TOM1L2: variants seen among roughly 807,000 people sequenced by gnomAD.
TOM1L2 encodes TOM1-like protein 2.
Under a neutral mutation model 67.9 loss-of-function variants are expected in TOM1L2, and 31 were observed. The observed-to-expected ratio is 0.46, with a 90% CI of 0.34 to 0.62. TOM1L2 has a LOEUF of 0.62. TOM1L2 is among the 20% of genes least tolerant of loss of function. TOM1L2 has a pLI of 0.01. For missense variants in TOM1L2, 606 were observed against 663.5 expected, an observed-to-expected ratio of 0.91 and a Z score of 0.95; for synonymous variants, 256 against 254.0, an observed-to-expected ratio of 1.01 and a Z score of -0.07.
At chr17:17,888,776 G>A (rs1261837993) in intron 4 of TOM1L2, among the ~76,000 whole-genome samples, 2 of 152,198 alleles carry the variant, frequency 1.3e-5, no homozygotes, top group Admixed American at 6.5e-5. Flanking sequence ...CTCCATTTCC[G>A]CTCCTGAAAA....
chr17:17,909,603 TG>T (rs2039254842), intron 1 of TOM1L2, among the ~76,000 whole-genome samples: 1 of 71,794 alleles, frequency 1.4e-5, no homozygotes, highest in African/African-American at 5.3e-5. Flanking sequence ...GGTGTGGGGG[TG>T]GGGGAATGGG....
intron 7 of TOM1L2, among the ~76,000 whole-genome samples, chr17:17,877,862 G>A (rs1441655055): frequency 6.6e-6 from 1 of 151,654 alleles, no homozygotes; most frequent in East Asian, 1.9e-4. Flanking sequence ...GTTTGTCTTG[G>A]CTGATGGGCT....
chr17:17,943,935 C>A (rs931987058), intron 1 of TOM1L2, among the ~76,000 whole-genome samples: 6 of 152,222 alleles, frequency 3.9e-5, no homozygotes, highest in African/African-American at 1.4e-4. Flanking sequence ...CATCCCTCCC[C>A]CTCCAGGTAA....
intron 10 of TOM1L2, among the ~76,000 whole-genome samples, chr17:17,866,006 T>C (rs763162352): frequency 6.3e-4 from 96 of 152,114 alleles, no homozygotes; most frequent in Non-Finnish European, 2.5e-4. Flanking sequence ...CCTCCCATAG[T>C]GCTGGGATTA....
In TOM1L2 at chr17:17,915,046, C is replaced by G. The variant is rs117337033; in HGVS notation, c.53-7515G>C. On this transcript the variant is annotated intron_variant, in intron 1 of 14. Transcript: ENST00000379504. Reference sequence around the variant, plus strand: ...TGTGTGAGTTCTATCTAGTTTGTTACGTAAAAAACAAGTGTCACTTCACCA... The same window carrying G: ...TGTGTGAGTTCTATCTAGTTTGTTAGGTAAAAAACAAGTGTCACTTCACCA... Among the ~76,000 whole-genome samples the G allele has an allele frequency of 4.0e-4, 61 of 152,018 alleles. 1 individual carries two copies. The East Asian group carries it at 0.012, about 29-fold the overall frequency.
intron 1 of TOM1L2, among the ~76,000 whole-genome samples, chr17:17,962,212 CAAAGT>C (rs1033189508): frequency 7.1e-6 from 1 of 140,244 alleles, no homozygotes; most frequent in African/African-American, 2.7e-5. Context: ...TTCATAGTGA[CAAAGT>C]AAAATGGTAG....
At chr17:17,870,436 G>A (rs1026348352) in intron 7 of TOM1L2, among the ~76,000 whole-genome samples, 2 of 152,168 alleles carry the variant, frequency 1.3e-5, no homozygotes, top group South Asian at 2.1e-4. Flanking sequence ...GGAGGGAGCT[G>A]GCAACACTGC....
chr17:17,872,718 T>C (rs1398821429), intron 7 of TOM1L2, among the ~76,000 whole-genome samples: 1 of 152,222 alleles, frequency 6.6e-6, no homozygotes, highest in Non-Finnish European at 1.5e-5. Context: ...GCTCCAGGTG[T>C]CTGCGGAAAA....
At chr17:17,954,048 T>A (rs574207754) in intron 1 of TOM1L2, among the ~76,000 whole-genome samples, 46 of 152,324 alleles carry the variant, frequency 3.0e-4, no homozygotes, top group Non-Finnish European at 6.0e-4. Context: ...ATTAAATACA[T>A]ATAAGTTATA....
At chr17:17,920,578 T>C (rs1301557525) in intron 1 of TOM1L2, among the ~76,000 whole-genome samples, 2 of 151,376 alleles carry the variant, frequency 1.3e-5, no homozygotes, top group Non-Finnish European at 2.9e-5. Context: ...GACCTCGTGA[T>C]CCACCCGCCT....
At chr17:17,857,018 A>G (rs1382761577) in intron 12 of TOM1L2, among the ~76,000 whole-genome samples, 1 of 152,180 alleles carries the variant, frequency 6.6e-6, no homozygotes, top group East Asian at 1.9e-4. Flanking sequence ...GCAGTGGTGC[A>G]ATCTCAGCTC....
At chr17:17,848,674 G>A (rs2035785968) in intron 14 of TOM1L2, 149 bp downstream of exon 14, 1 of 785,948 alleles carries the variant, frequency 1.3e-6, no homozygotes, top group South Asian at 1.6e-5. Context: ...GACCTGGGTG[G>A]GACAAAGCCA....
intron 7 of TOM1L2, among the ~76,000 whole-genome samples, chr17:17,874,048 C>T (rs967681307): frequency 2.0e-5 from 3 of 152,106 alleles, no homozygotes; most frequent in African/African-American, 4.8e-5. Context: ...CTCCGCCTCC[C>T]GGGTTCATGA....
intron 14 of TOM1L2, among the ~76,000 whole-genome samples, chr17:17,848,530 A>G (rs2035777150): frequency 1.3e-5 from 2 of 152,232 alleles, no homozygotes; most frequent in Admixed American, 1.3e-4. Flanking sequence ...AGCTGGGCTG[A>G]GCACCTGTGG....
intron 10 of TOM1L2, among the ~76,000 whole-genome samples, chr17:17,864,299 C>T (rs1425344422): frequency 2.0e-5 from 3 of 151,880 alleles, no homozygotes; most frequent in Non-Finnish European, 4.4e-5. Flanking sequence ...CAAGCTCCGC[C>T]TCCCGGGTTC....
At chr17:17,870,389 C>T (rs1271046681) in intron 7 of TOM1L2, among the ~76,000 whole-genome samples, 1 of 152,192 alleles carries the variant, frequency 6.6e-6, no homozygotes, top group Non-Finnish European at 1.5e-5. Flanking sequence ...CTGCCAGGCC[C>T]CTTGCCATCT....
At chr17:17,939,648 C>T (rs1347871719) in intron 1 of TOM1L2, among the ~76,000 whole-genome samples, 1 of 152,126 alleles carries the variant, frequency 6.6e-6, no homozygotes, top group Non-Finnish European at 1.5e-5. Flanking sequence ...TGTAGAAGTT[C>T]ATTATACTAT....
chr17:17,887,209 C>A (rs2038043469), intron 4 of TOM1L2, among the ~76,000 whole-genome samples: 1 of 152,254 alleles, frequency 6.6e-6, no homozygotes, highest in Non-Finnish European at 1.5e-5. Flanking sequence ...GGCTAATCTA[C>A]CCGCTTCCTA....
chr17:17,865,767 CAG>C (rs1453393946), intron 10 of TOM1L2, among the ~76,000 whole-genome samples: 16 of 98,620 alleles, frequency 1.6e-4, no homozygotes, highest in Non-Finnish European at 3.2e-4. Flanking sequence ...TTTTTTGAGA[CAG>C]TGTCTTGCTC....
Sources: allele counts gnomAD v4.1 joint callset (sites outside exome capture counted in the v4.1 genomes callset), GRCh38; gene constraint gnomAD v4.1.1; transcripts MANE v1.5; gene names NCBI Gene and HGNC (gene_info 2026-07-23, HGNC 2026-07-21).